The following ZMIZ1 variants were observed in gnomAD, a reference collection of about 807,000 sequenced individuals.
ZMIZ1 encodes zinc finger MIZ-type containing 1.
Under a neutral mutation model 113.9 loss-of-function variants are expected in ZMIZ1, and 17 were observed. The ratio of observed to expected loss-of-function variants is 0.15; its 90% CI spans 0.10 to 0.22. The LOEUF (loss-of-function observed/expected upper bound fraction) is 0.22. Among genes scored for constraint, ZMIZ1 ranks in the 10% least tolerant of loss-of-function variants. The pLI is 1.00. For missense variants in ZMIZ1, 1,059 were observed against 1,477.8 expected (o/e 0.72, Z 4.65); for synonymous variants, 607 against 603.1 (o/e 1.01, Z -0.09).
intron 5 of ZMIZ1, among the ~76,000 whole-genome samples, chr10:79,202,459 A>T (rs1451094759): frequency 6.6e-6 from 1 of 152,062 alleles, no homozygotes; most frequent in Non-Finnish European, 1.5e-5. Context: ...AAAAGAAAAA[A>T]AAAGCCACAA....
chr10:79,096,640 G>A (rs988399854), intron 1 of ZMIZ1, among the ~76,000 whole-genome samples: 3 of 152,224 alleles, frequency 2.0e-5, no homozygotes, highest in South Asian at 2.1e-4. Context: ...CCGAAACGCT[G>A]CCTTGAGGGG....
At chr10:79,168,758 TG>T (rs1439185463) in intron 4 of ZMIZ1, among the ~76,000 whole-genome samples, 2 of 152,296 alleles carry the variant, frequency 1.3e-5, no homozygotes, top group African/African-American at 4.8e-5. Flanking sequence ...GTCTCAGCTC[TG>T]GGCTGTGGCC....
intron 7 of ZMIZ1, among the ~76,000 whole-genome samples, chr10:79,232,563 G>C (rs372845752): frequency 3.0e-4 from 45 of 152,240 alleles, no homozygotes; most frequent in African/African-American, 1.0e-3. Flanking sequence ...GACTGACACA[G>C]GGTGGGGGAT....
chr10:79,195,170 C>T (rs1199114345), intron 4 of ZMIZ1, among the ~76,000 whole-genome samples: 1 of 152,196 alleles, frequency 6.6e-6, no homozygotes, highest in East Asian at 1.9e-4. Context: ...TCTGAACAGC[C>T]GGAGCTCCTC....
intron 19 of ZMIZ1, 108 bp from the exon 20 acceptor site, chr10:79,305,056 C>T (rs1854588698): frequency 1.2e-5 from 15 of 1,298,556 alleles, no homozygotes; most frequent in Non-Finnish European, 1.5e-5. Flanking sequence ...GTTTCTCCCA[C>T]AGCCTATCTT....
chr10:79,105,625 A>G lies in ZMIZ1; in HGVS notation c.-336-13290A>G, dbSNP rs562983811. Among the ~76,000 whole-genome samples, 8 of 152,316 alleles carry G rather than the reference A, an allele frequency of 5.3e-5. No homozygotes were observed. The South Asian group carries it at 1.7e-3, about 32-fold the overall frequency. ...CTGGTGTCTCTTTTCAACAGAGAGC[A>G]CCTGCAGGACCCGGAGCCTCCAGCA... On this transcript the variant is annotated intron_variant, in intron 1 of 24. Coordinates refer to ENST00000334512, the MANE Select transcript of ZMIZ1 (RefSeq NM_020338.4).
In ZMIZ1 at chr10:79,312,827, C is replaced by G; in HGVS notation, c.*78C>G. ...CCAACACACTTTTCCACCTGGGAGC[C>G]TGTGCCCTCAGACCGCCCCGCACCA... On this transcript the variant is annotated 3_prime_UTR_variant, in exon 25 of 25. Transcript: ENST00000334512. The G allele has an allele frequency of 6.9e-7, 1 of 1,454,444 alleles. No homozygotes were observed. The highest frequency in any genetic ancestry group is 9.6e-7 in the Non-Finnish European group (1 of 1,042,310). 90.1% of individuals were successfully genotyped at this position (1,454,444 alleles called of 1,614,324 possible).
At chr10:79,134,593 C>T (rs945419273) in intron 2 of ZMIZ1, among the ~76,000 whole-genome samples, 1 of 152,234 alleles carries the variant, frequency 6.6e-6, no homozygotes, top group African/African-American at 2.4e-5. Context: ...ACCCTGACTG[C>T]ACTTAGCTAG....
At chr10:79,179,004 C>A (rs983042423) in intron 4 of ZMIZ1, among the ~76,000 whole-genome samples, 6 of 152,208 alleles carry the variant, frequency 3.9e-5, no homozygotes, top group African/African-American at 1.4e-4. Context: ...TCAGTCCAGA[C>A]CCTGGAGGAA....
intron 4 of ZMIZ1, among the ~76,000 whole-genome samples, chr10:79,173,361 C>T (rs560656275): frequency 7.0e-4 from 106 of 152,252 alleles, no homozygotes; most frequent in African/African-American, 2.5e-3. Flanking sequence ...GACAATTCTT[C>T]CAATGTGGCC....
intron 5 of ZMIZ1, among the ~76,000 whole-genome samples, chr10:79,208,063 A>T (rs1224739659): frequency 8.5e-6 from 1 of 117,358 alleles, no homozygotes; most frequent in Non-Finnish European, 1.8e-5. Flanking sequence ...GTAGAGGTGG[A>T]GGTGAGGGTG....
At chr10:79,233,852 G>A (rs1849489552) in intron 7 of ZMIZ1, among the ~76,000 whole-genome samples, 1 of 152,216 alleles carries the variant, frequency 6.6e-6, no homozygotes, top group African/African-American at 2.4e-5. Flanking sequence ...CTGCAGGCTG[G>A]CACCCAGCTG....
At chr10:79,076,136 C>T (rs540388075) in intron 1 of ZMIZ1, among the ~76,000 whole-genome samples, 2 of 152,282 alleles carry the variant, frequency 1.3e-5, no homozygotes, top group East Asian at 3.9e-4. Context: ...CTGGCCTTTC[C>T]TTTCCTAGCC....
Position 79,201,608 on chromosome 10 carries a change from G to A in ZMIZ1, c.-25G>A, listed in dbSNP as rs762324740. On this transcript the variant is annotated 5_prime_UTR_variant, in exon 5 of 25. Coordinates refer to ENST00000334512, the MANE Select transcript of ZMIZ1 (RefSeq NM_020338.4). ...GGCTGGACAACGTTCATGGCTCTCG[G>A]GTAGAACCTAGTGAAACGGCCAGAA... is the stretch of plus-strand genomic sequence containing the variant. 2 of 1,613,186 alleles carry A rather than the reference G, an allele frequency of 1.2e-6. No individual in the cohort carries two copies. Among genetic ancestry groups the A allele is most frequent in the African/African-American group, 2.7e-5 (2 of 75,044 alleles).
At chr10:79,297,741 C>T (rs1819360081) in intron 14 of ZMIZ1, 51 bp downstream of exon 14, 1 of 1,533,634 alleles carries the variant, frequency 6.5e-7, no homozygotes, top group Non-Finnish European at 9.0e-7. Flanking sequence ...GTTGTTGCCT[C>T]TAAAGGTTCT....
chr10:79,159,925 C>T (rs1393220385), intron 3 of ZMIZ1, among the ~76,000 whole-genome samples: 1 of 152,216 alleles, frequency 6.6e-6, no homozygotes, highest in Non-Finnish European at 1.5e-5. Context: ...AAGCCGAGCA[C>T]CCCTGAGACG....
chr10:79,253,339 T>C (rs10762855), intron 7 of ZMIZ1, among the ~76,000 whole-genome samples: 55,393 of 151,966 alleles, frequency 0.36, 10,241 homozygotes, highest in South Asian at 0.43. Context: ...TGTGCAGGCT[T>C]ACAAACACAC....
intron 7 of ZMIZ1, among the ~76,000 whole-genome samples, chr10:79,239,483 G>A (rs1039464479): frequency 5.9e-5 from 9 of 152,182 alleles, no homozygotes; most frequent in African/African-American, 1.7e-4. Flanking sequence ...GCCTACGCCC[G>A]CATGGGTGAC....
Position 79,289,935 on chromosome 10 carries a change from G to A in ZMIZ1, c.540+46G>A, listed in dbSNP as rs1853361921. On this transcript the variant is annotated intron_variant, in intron 9 of 24. Coordinates refer to ENST00000334512, the MANE Select transcript of ZMIZ1 (RefSeq NM_020338.4). ...CAGCCACAGCTCTTTCTAGGCGGGA[G>A]TGTCCCTTGACCCCTGGAGCCATAC... 2.5e-6 allele frequency: 4 copies of A among 1,576,880 alleles called. No individual in the cohort carries two copies. The Admixed American group carries it at 6.7e-5, about 27-fold the overall frequency.
Sources: gnomAD v4.1 joint callset for allele counts (sites outside exome capture counted in the v4.1 genomes callset) on GRCh38, gnomAD v4.1.1 for gene constraint, MANE v1.5 for transcripts, NCBI Gene and HGNC (gene_info 2026-07-23, HGNC 2026-07-21) for gene names.